Variants in ZNF236 observed in about 807,000 individuals in gnomAD.
ZNF236 encodes zinc finger protein 236.
A neutral mutation model predicts 191.2 loss-of-function variants in ZNF236; 50 were observed. The observed-to-expected ratio is 0.26, with a 90% CI of 0.21 to 0.33. The LOEUF is 0.33. Ranked by LOEUF, ZNF236 falls within the 10% of genes least tolerant of loss-of-function variation. The pLI, the probability that ZNF236 is intolerant of heterozygous loss-of-function variation, is 1.00. For missense variants in ZNF236, 1,754 were observed against 2,374.5 expected, an observed-to-expected ratio of 0.74 and a Z score of 5.43; for synonymous variants, 907 against 928.8, an observed-to-expected ratio of 0.98 and a Z score of 0.43.
intron 28 of ZNF236, among the ~76,000 whole-genome samples, chr18:76,956,700 C>T (rs1440584511): frequency 6.6e-6 from 1 of 152,186 alleles, no homozygotes; most frequent in Non-Finnish European, 1.5e-5. Context: ...CCTGAGTGCC[C>T]GCATGTGGGA....
intron 20 of ZNF236, 57 bp downstream of exon 20, chr18:76,920,115 C>T (rs757375367): frequency 1.2e-4 from 178 of 1,547,696 alleles, no homozygotes; most frequent in Admixed American, 4.9e-4. Context: ...GTGCAGGCAG[C>T]TGCTCCTTTG....
intron 3 of ZNF236, among the ~76,000 whole-genome samples, chr18:76,859,515 G>A (rs1032147593): frequency 2.0e-5 from 3 of 152,250 alleles, no homozygotes; most frequent in Admixed American, 6.5e-5. Flanking sequence ...ACTGCACAGC[G>A]TCTGTATCCT....
chr18:76,827,448 G>A (rs1311648174), intron 1 of ZNF236, among the ~76,000 whole-genome samples: 2 of 152,224 alleles, frequency 1.3e-5, no homozygotes, highest in African/African-American at 4.8e-5. Context: ...GCCTCCCAAA[G>A]TGCTGAGATT....
At chr18:76,905,545 GAA>G (rs1159878664) in intron 13 of ZNF236, 130 bp downstream of exon 13, 4,826 of 63,788 alleles carry the variant, frequency 0.076, 16 homozygotes, top group East Asian at 0.27. Context: ...ATGGGCTCAA[GAA>G]AAAAAAAAAA....
chr18:76,932,853 G>C (rs562988120), intron 25 of ZNF236, among the ~76,000 whole-genome samples: 1 of 152,308 alleles, frequency 6.6e-6, no homozygotes, highest in East Asian at 1.9e-4. Context: ...TGTTCTGACC[G>C]AAGGGAGAAG....
At chr18:76,900,123 A>G (rs1977546396) in intron 11 of ZNF236, among the ~76,000 whole-genome samples, 1 of 152,230 alleles carries the variant, frequency 6.6e-6, no homozygotes, top group East Asian at 1.9e-4. Flanking sequence ...ATCTATAAGC[A>G]AAATTAATAT....
At chr18:76,943,138 AAAAAG>A (rs1168507072) in intron 26 of ZNF236, among the ~76,000 whole-genome samples, 96 of 151,376 alleles carry the variant, frequency 6.3e-4, no homozygotes, top group African/African-American at 2.3e-3. Context: ...AAAAAAAAAA[AAAAAG>A]AAGAGCAAAT....
intron 5 of ZNF236, among the ~76,000 whole-genome samples, chr18:76,874,753 G>T (rs1477579227): frequency 2.9e-5 from 4 of 138,264 alleles, no homozygotes; most frequent in African/African-American, 1.1e-4. Context: ...AACCGCCCAG[G>T]CGGCGGATTT....
At chr18:76,863,308 G>A (rs1255343751) in intron 3 of ZNF236, among the ~76,000 whole-genome samples, 1 of 151,854 alleles carries the variant, frequency 6.6e-6, no homozygotes, top group East Asian at 1.9e-4. Flanking sequence ...GGCTGAAAAC[G>A]ACCCAGACTT....
In ZNF236 at chr18:76,970,001, C is replaced by A. The variant is rs1412958794; in HGVS notation, c.*1662C>A. 1 of 152,630 alleles carries A rather than the reference C, an allele frequency of 6.6e-6. No homozygotes were observed. The highest frequency in any genetic ancestry group is 2.4e-5 in the African/African-American group (1 of 41,460). 9.5% of individuals were successfully genotyped at this position (152,630 alleles called of 1,614,324 possible). A position where few individuals can be genotyped will look rare whatever the true frequency, so the allele number is the denominator to read the frequency against. On this transcript the variant is annotated 3_prime_UTR_variant, in exon 31 of 31. Transcript: ENST00000320610. ...TTGTGATACTGGACTTCTTACCAATCCGGAGGTTTCCTTCCTTGAATGTCA... is the reference window on the plus strand; with the variant it reads ...TTGTGATACTGGACTTCTTACCAATACGGAGGTTTCCTTCCTTGAATGTCA...
intron 1 of ZNF236, among the ~76,000 whole-genome samples, chr18:76,848,254 G>A (rs953834240): frequency 6.6e-5 from 10 of 152,160 alleles, no homozygotes; most frequent in African/African-American, 2.2e-4. Context: ...AGAACAAGGG[G>A]CTTTCTTGAG....
intron 1 of ZNF236, among the ~76,000 whole-genome samples, chr18:76,846,961 A>G (rs1975704259): frequency 6.6e-6 from 1 of 151,770 alleles, no homozygotes. Context: ...AGCCCGGCTA[A>G]TTTTTGTATT....
At chr18:76,921,194 C>T (rs1007759957) in intron 20 of ZNF236, among the ~76,000 whole-genome samples, 7 of 152,098 alleles carry the variant, frequency 4.6e-5, no homozygotes, top group Non-Finnish European at 8.8e-5. Flanking sequence ...CTTCATGTTT[C>T]GACCACAGCA....
At chr18:76,900,307 C>A (rs189775442) in intron 11 of ZNF236, among the ~76,000 whole-genome samples, 1 of 151,908 alleles carries the variant, frequency 6.6e-6, no homozygotes, top group Admixed American at 6.6e-5. Flanking sequence ...TAAAAAAATT[C>A]AAAGAAAGGA....
chr18:76,824,555 ATGCCATC>A (rs373272073), intron 1 of ZNF236: 121 of 718,412 alleles, frequency 1.7e-4, no homozygotes, highest in African/African-American at 1.6e-3. Context: ...TTTTGTTAGT[ATGCCATC>A]TGCCAAAAAT....
At chr18:76,848,294 C>G (rs1434712169) in intron 1 of ZNF236, among the ~76,000 whole-genome samples, 2 of 152,236 alleles carry the variant, frequency 1.3e-5, no homozygotes, top group Non-Finnish European at 2.9e-5. Flanking sequence ...ACCCTGTACT[C>G]TACTCCCAAG....
At chr18:76,847,755 C>T (rs1335364789) in intron 1 of ZNF236, among the ~76,000 whole-genome samples, 7 of 152,220 alleles carry the variant, frequency 4.6e-5, no homozygotes, top group Admixed American at 2.0e-4. Flanking sequence ...GGACTACAGG[C>T]GTGAGCCCCT....
chr18:76,927,668 C>T lies in ZNF236; in HGVS notation c.4414+151C>T. The T allele has an allele frequency of 8.9e-7, 1 of 1,126,680 alleles. No homozygotes were observed. The highest frequency in any genetic ancestry group is 3.0e-5 in the Admixed American group (1 of 33,500). 69.8% of individuals were successfully genotyped at this position (1,126,680 alleles called of 1,614,324 possible). ...TGTCCTGAGAATAAAATAAGCTTTT[C>T]TTACAATTAATGATATGTATTTAAT... On this transcript the variant is annotated intron_variant, in intron 24 of 30. Transcript: ENST00000320610. The surrounding 1 kb of genome is among the most constrained non-coding windows in gnomAD (Gnocchi z 5.4).
intron 30 of ZNF236, among the ~76,000 whole-genome samples, chr18:76,964,862 G>T (rs543284113): frequency 8.5e-5 from 13 of 152,258 alleles, no homozygotes; most frequent in South Asian, 6.2e-4. Flanking sequence ...ATGCGACTAA[G>T]CAATGATATT....
Sources: allele counts gnomAD v4.1 joint callset (sites outside exome capture counted in the v4.1 genomes callset), GRCh38; gene constraint gnomAD v4.1.1; non-coding constraint Gnocchi (gnomAD v3.1); transcripts MANE v1.5; gene names NCBI Gene and HGNC (gene_info 2026-07-23, HGNC 2026-07-21).